SLC12A7: variants seen among roughly 807,000 people sequenced by gnomAD.
SLC12A7 encodes the protein solute carrier family 12 member 7, also known as K-Cl cotransporter 4.
A neutral mutation model predicts 120.6 loss-of-function variants in SLC12A7; 100 were observed. That is an observed-to-expected ratio of 0.83 (90% confidence interval 0.71 to 0.98). SLC12A7 has a LOEUF of 0.98. SLC12A7 is among the 50% of genes least tolerant of loss of function. SLC12A7 has a pLI of 0.00. For missense variants in SLC12A7, 1,373 were observed against 1,548.1 expected, an observed-to-expected ratio of 0.89 and a Z score of 1.90; for synonymous variants, 760 against 678.0, an observed-to-expected ratio of 1.12 and a Z score of -1.88.
chr5:1,075,662 G>C (rs1053720364), intron 14 of SLC12A7, among the ~76,000 whole-genome samples, 172 bp from the exon 15 acceptor site: 2 of 152,216 alleles, frequency 1.3e-5, no homozygotes, highest in South Asian at 4.1e-4. Flanking sequence ...GAGGGGTGAC[G>C]TGGCTCCCTG....
chr5:1,088,894 G>T (rs939504017), intron 4 of SLC12A7, 88 bp downstream of exon 4: 1 of 1,532,088 alleles, frequency 6.5e-7, no homozygotes, highest in Non-Finnish European at 8.9e-7. Context: ...CAACCACAGC[G>T]GCCAGGGGAG....
At chr5:1,100,908 C>T (rs139732070) in intron 1 of SLC12A7, among the ~76,000 whole-genome samples, 6 of 152,274 alleles carry the variant, frequency 3.9e-5, no homozygotes, top group African/African-American at 1.2e-4. Context: ...AAAGCACACC[C>T]GGGAAGAGGC....
the SLC12A7 span, among the ~76,000 whole-genome samples, chr5:1,153,228 G>A: frequency 9.2e-6 from 1 of 108,312 alleles, no homozygotes; most frequent in Admixed American, 1.1e-4. Context: ...GTCCCTGGGC[G>A]GTCCAGCCCA....
At chr5:1,154,639 CTG>C in the SLC12A7 span, among the ~76,000 whole-genome samples, 1 of 152,226 alleles carries the variant, frequency 6.6e-6, no homozygotes, top group Admixed American at 6.5e-5. Context: ...GCTCGCTCCT[CTG>C]GGCCATCGCG....
At chr5:1,094,539 C>T (rs1740890204) in intron 1 of SLC12A7, among the ~76,000 whole-genome samples, 3 of 152,216 alleles carry the variant, frequency 2.0e-5, no homozygotes, top group African/African-American at 7.2e-5. Context: ...CCAGAACACA[C>T]GCTAGCTCCA....
intron 17 of SLC12A7, among the ~76,000 whole-genome samples, chr5:1,066,899 G>C (rs1226805303): frequency 6.6e-6 from 1 of 152,118 alleles, no homozygotes; most frequent in African/African-American, 2.4e-5. Flanking sequence ...CCTTTGCTGT[G>C]AGCCGTGTGG....
the SLC12A7 span, among the ~76,000 whole-genome samples, chr5:1,140,366 C>G: frequency 6.6e-6 from 1 of 152,360 alleles, no homozygotes; most frequent in East Asian, 1.9e-4. Flanking sequence ...GCCACACCTG[C>G]GTCTCCATCT....
chr5:1,145,555 C>G, the SLC12A7 span, among the ~76,000 whole-genome samples: 1 of 152,222 alleles, frequency 6.6e-6, no homozygotes, highest in African/African-American at 2.4e-5. This position sits in a 1 kb window ranked among gnomAD's most constrained non-coding sequence, Gnocchi z 4.4. Context: ...CCAGGACCAG[C>G]CAGGAAGGGC....
Position 1,050,399 on chromosome 5 carries a change from T to TTTTA in SLC12A7, c.*1957_*1960dup, listed in dbSNP as rs1258024825. 1 of 154,134 alleles carries TTTTA rather than the reference T, an allele frequency of 6.5e-6. No homozygotes were observed. Among genetic ancestry groups the TTTTA allele is most frequent in the African/African-American group, 2.4e-5 (1 of 41,512 alleles). The allele number at this position is 154,134 out of a possible 1,614,324, so 9.5% of individuals were successfully genotyped here. On this transcript the variant is annotated 3_prime_UTR_variant, in exon 24 of 24. Transcript: ENST00000264930. ...TTCAACGTACTCAGATTTCATAGGA[T>TTTTA]TTTATTTTTCTACTAACACAGACAG...
At chr5:1,099,950 G>A (rs900773611) in intron 1 of SLC12A7, among the ~76,000 whole-genome samples, 10 of 152,194 alleles carry the variant, frequency 6.6e-5, no homozygotes, top group Non-Finnish European at 1.5e-4. Context: ...ACCTGAGGGC[G>A]CATGACCGTT....
chr5:1,065,986 T>TACAG (rs1320911286), intron 17 of SLC12A7, among the ~76,000 whole-genome samples: 1 of 152,102 alleles, frequency 6.6e-6, no homozygotes, highest in Non-Finnish European at 1.5e-5. Flanking sequence ...GTCACTGCTG[T>TACAG]GTGCAGTCTC....
At chr5:1,147,142 T>C in the SLC12A7 span, among the ~76,000 whole-genome samples, 2 of 151,812 alleles carry the variant, frequency 1.3e-5, no homozygotes, top group Non-Finnish European at 2.9e-5. Flanking sequence ...CACAGACAAA[T>C]GAACGGAACA....
intron 1 of SLC12A7, among the ~76,000 whole-genome samples, chr5:1,096,876 GGGAGGGAAGGAAGAAA>G (rs1561098627): frequency 1.2e-4 from 15 of 126,846 alleles, no homozygotes; most frequent in African/African-American, 4.2e-4. Context: ...AAGGGAGGGA[GGGAGGGAAGGAAGAAA>G]GGAGGGAGGG....
chr5:1,081,868 C>T (rs908657927), intron 8 of SLC12A7, 124 bp from the exon 9 acceptor site: 94 of 1,117,820 alleles, frequency 8.4e-5, no homozygotes, highest in South Asian at 6.3e-4. Context: ...GCTTGTGCGC[C>T]GCAAGCAGGC....
In SLC12A7 at chr5:1,052,432, G is replaced by A. The variant is rs756309209; in HGVS notation, c.3180C>T (p.Val1060=). 2.5e-6 allele frequency: 4 copies of A among 1,612,720 alleles called. No homozygotes were observed. Among genetic ancestry groups the A allele is most frequent in the African/African-American group, 1.3e-5 (1 of 74,928 alleles). ...GGACTCTGTTCAGCCCCTCGGTCAG[G>A]ACTTCAAGAAACTCCATGTCTGTGG... ...GDENYMEFLE[V]LTEGLNRVLL... The change falls in exon 24 of 24, where the codon GTC becomes GTT. Residue 1060 remains valine (V), a synonymous_variant. Coordinates refer to ENST00000264930, the MANE Select transcript of SLC12A7 (RefSeq NM_006598.3).
At chr5:1,149,514 T>A in the SLC12A7 span, among the ~76,000 whole-genome samples, 4 of 151,758 alleles carry the variant, frequency 2.6e-5, no homozygotes, top group Non-Finnish European at 5.9e-5. Flanking sequence ...GAGGTGGAGG[T>A]TGTAGTGAGC....
At chr5:1,097,559 G>C (rs1188336351) in intron 1 of SLC12A7, among the ~76,000 whole-genome samples, 1 of 152,258 alleles carries the variant, frequency 6.6e-6, no homozygotes, top group African/African-American at 2.4e-5. Context: ...GCGTCTGACT[G>C]TGCAGGGCTG....
intron 22 of SLC12A7, among the ~76,000 whole-genome samples, chr5:1,053,888 T>C (rs568172509): frequency 6.6e-6 from 1 of 152,362 alleles, no homozygotes; most frequent in Non-Finnish European, 1.5e-5. Flanking sequence ...TCTTGACATC[T>C]ACATCATCGC....
At chr5:1,054,546 A>C (rs1735405214) in intron 22 of SLC12A7, among the ~76,000 whole-genome samples, 1 of 151,800 alleles carries the variant, frequency 6.6e-6, no homozygotes, top group African/African-American at 2.4e-5. Context: ...TGTTGGAAAA[A>C]CCCGGCCCGT....
Sources: allele counts gnomAD v4.1 joint callset (sites outside exome capture counted in the v4.1 genomes callset), GRCh38; gene constraint gnomAD v4.1.1; non-coding constraint Gnocchi (gnomAD v3.1); transcripts MANE v1.5; gene names NCBI Gene and HGNC (gene_info 2026-07-23, HGNC 2026-07-21).